Variants in DPP8 observed in about 807,000 individuals in gnomAD.
DPP8 encodes the protein DPP VIII.
Under a neutral mutation model 107.5 loss-of-function variants are expected in DPP8, and 31 were observed. The observed-to-expected ratio is 0.29, with a 90% CI of 0.22 to 0.39. The LOEUF (loss-of-function observed/expected upper bound fraction) is 0.39, where lower values mean the gene tolerates loss of function less well. Ranked by LOEUF, DPP8 falls within the 10% of genes least tolerant of loss-of-function variation. The probability of loss-of-function intolerance (pLI) is 1.00; values close to 1 mark genes in which losing one functional copy is unlikely to be tolerated. For synonymous variants in DPP8, 381 were observed against 356.6 expected, an observed-to-expected ratio of 1.07 and a Z score of -0.77; for missense variants, 842 against 1,076.1, an observed-to-expected ratio of 0.78 and a Z score of 3.04.
intron 7 of DPP8, among the ~76,000 whole-genome samples, chr15:65,487,153 CT>C (rs201589433): frequency 5.0e-4 from 73 of 147,170 alleles, no homozygotes; most frequent in African/African-American, 1.3e-3. Flanking sequence ...AAGACACCTT[CT>C]TTTTTTTTTT....
At chr15:65,468,111 T>C (rs2065520413) in intron 12 of DPP8, among the ~76,000 whole-genome samples, 1 of 152,206 alleles carries the variant, frequency 6.6e-6, no homozygotes, top group Non-Finnish European at 1.5e-5. Flanking sequence ...CTGAATTCAC[T>C]TAATATTCTT....
intron 12 of DPP8, among the ~76,000 whole-genome samples, chr15:65,468,977 T>C (rs1451714417): frequency 6.6e-6 from 1 of 152,100 alleles, no homozygotes; most frequent in Non-Finnish European, 1.5e-5. Context: ...AGAATGTGCA[T>C]TTCTTTTTGC....
chr15:65,460,869 G>GTT (rs1318254134), intron 15 of DPP8, among the ~76,000 whole-genome samples: 1 of 152,138 alleles, frequency 6.6e-6, no homozygotes, highest in Non-Finnish European at 1.5e-5. Context: ...GGCTCATATA[G>GTT]TAATTCTATG....
chr15:65,515,797 C>T (rs1360643972), intron 1 of DPP8: 1 of 1,052,894 alleles, frequency 9.5e-7, no homozygotes, highest in Middle Eastern at 2.0e-4. Context: ...AAAGCCTGCT[C>T]ACCAGGATAA....
chr15:65,460,580 T>C (rs775585591), intron 15 of DPP8, among the ~76,000 whole-genome samples: 1 of 152,236 alleles, frequency 6.6e-6, no homozygotes, highest in Non-Finnish European at 1.5e-5. Context: ...ATAATATTTG[T>C]CCTTTTGTGT....
At chr15:65,455,707 C>T in intron 16 of DPP8, 2 of 1,234,266 alleles carry the variant, frequency 1.6e-6, no homozygotes, top group East Asian at 1.1e-4. Context: ...ATCCCCATGT[C>T]TTACTCAGCA....
At chr15:65,480,593 G>C (rs2066832038) in intron 9 of DPP8, among the ~76,000 whole-genome samples, 194 bp from the exon 10 acceptor site, 1 of 152,186 alleles carries the variant, frequency 6.6e-6, no homozygotes, top group South Asian at 2.1e-4. Context: ...TTTATAAAAA[G>C]TGGCTTTCTT....
At chr15:65,457,003 G>A (rs1194670615) in intron 15 of DPP8, among the ~76,000 whole-genome samples, 2 of 152,134 alleles carry the variant, frequency 1.3e-5, no homozygotes, top group African/African-American at 2.4e-5. Flanking sequence ...TGTAACCTCA[G>A]GAGAGGTCTT....
Position 65,481,508 on chromosome 15 carries a change from T to C in DPP8, c.1118+7A>G. 1.3e-6 allele frequency: 2 copies of C among 1,513,894 alleles called. No individual in the cohort carries two copies. The highest frequency in any genetic ancestry group is 1.2e-5 in the South Asian group (1 of 83,108). 93.8% of individuals were successfully genotyped at this position (1,513,894 alleles called of 1,614,324 possible). The stretch of plus-strand genomic sequence containing the variant: ...GTTATAAAGAAGTAACAATTTAACA[T>C]ACGCACTATTTTCCCTCAGGAGTCC... On this transcript the variant is annotated splice_region_variant and intron_variant, in intron 9 of 19. Transcript: ENST00000300141.
chr15:65,512,255 A>C, intron 2 of DPP8, 40 bp downstream of exon 2: 1 of 1,565,212 alleles, frequency 6.4e-7, no homozygotes, highest in Non-Finnish European at 8.6e-7. Context: ...GTTTGACTTA[A>C]GAGATCATTT....
Position 65,475,169 on chromosome 15 carries a change from G to A in DPP8, c.1457-881C>T, listed in dbSNP as rs2066267348. 4 of 374,750 alleles carry A rather than the reference G, an allele frequency of 1.1e-5. No individual in the cohort carries two copies. In the East Asian group the frequency reaches 1.4e-4, roughly 13 times the overall value. 23.2% of individuals were successfully genotyped at this position (374,750 alleles called of 1,614,324 possible). A position where few individuals can be genotyped will look rare whatever the true frequency, so the allele number is the denominator to read the frequency against. On this transcript the variant is annotated intron_variant, in intron 11 of 19. Transcript: ENST00000300141. Reference sequence around the variant, plus strand: ...TTCTACCTCTGACACTGGGGTAAAGGAGGAAGTCCAGGGCAATGCAGTGAT... The same window carrying A: ...TTCTACCTCTGACACTGGGGTAAAGAAGGAAGTCCAGGGCAATGCAGTGAT...
intron 11 of DPP8, among the ~76,000 whole-genome samples, chr15:65,477,582 T>G (rs2066511340): frequency 1.3e-5 from 2 of 148,576 alleles, no homozygotes; most frequent in South Asian, 4.4e-4. Context: ...CACACTGGAG[T>G]GCAGTGGCGC....
At chr15:65,483,320 T>G (rs530024747) in intron 8 of DPP8, among the ~76,000 whole-genome samples, 44 of 151,624 alleles carry the variant, frequency 2.9e-4, no homozygotes, top group Non-Finnish European at 5.6e-4. Context: ...GGCCCAGGAG[T>G]GCAAGACCAG....
chr15:65,465,599 AG>A (rs1186895664), intron 14 of DPP8, among the ~76,000 whole-genome samples: 2 of 141,242 alleles, frequency 1.4e-5, no homozygotes, highest in African/African-American at 5.5e-5. Context: ...TCCGTCGCCC[AG>A]GCTGGAGAGC....
intron 17 of DPP8, among the ~76,000 whole-genome samples, chr15:65,453,135 A>G (rs976367618): frequency 7.9e-5 from 12 of 152,202 alleles, no homozygotes; most frequent in African/African-American, 2.9e-4. Flanking sequence ...GTTTGTTTAC[A>G]GAATTGTAAG....
At chr15:65,451,245 A>T (rs2063953370) in intron 18 of DPP8, 135 bp from the exon 19 acceptor site, 1 of 612,260 alleles carries the variant, frequency 1.6e-6, no homozygotes. Flanking sequence ...AGTATTTTCA[A>T]TATTAAATTT....
At chr15:65,471,884 T>C (rs1395082437) in intron 12 of DPP8, among the ~76,000 whole-genome samples, 1 of 152,176 alleles carries the variant, frequency 6.6e-6, no homozygotes, top group African/African-American at 2.4e-5. Context: ...ATTTTTACAG[T>C]AGCCAGTAAA....
At chr15:65,481,681 C>G in intron 8 of DPP8, 66 bp from the exon 9 acceptor site, 1 of 965,682 alleles carries the variant, frequency 1.0e-6, no homozygotes, top group South Asian at 1.8e-5. Context: ...GCTTGCTAGT[C>G]TACTTTAACA....
chr15:65,502,499 G>T (rs979084774), intron 3 of DPP8, among the ~76,000 whole-genome samples: 3 of 151,972 alleles, frequency 2.0e-5, no homozygotes, highest in African/African-American at 7.2e-5. Flanking sequence ...CCAACACAGT[G>T]AAACCTCGCC....
Sources: gnomAD v4.1 joint callset for allele counts (sites outside exome capture counted in the v4.1 genomes callset) on GRCh38, gnomAD v4.1.1 for gene constraint, MANE v1.5 for transcripts, NCBI Gene and HGNC (gene_info 2026-07-23, HGNC 2026-07-21) for gene names.